Variants in WWOX observed in about 807,000 individuals in gnomAD.
WWOX encodes the protein WW domain containing oxidoreductase.
Under a neutral mutation model 46.2 loss-of-function variants are expected in WWOX, and 69 were observed. That is an observed-to-expected ratio of 1.49 (90% CI 1.23 to 1.82). The LOEUF is 1.82. Ranked by LOEUF, WWOX falls within the 40% of genes most tolerant of loss-of-function variation. The probability of loss-of-function intolerance (pLI) is 0.00; values close to 1 mark genes in which losing one functional copy is unlikely to be tolerated. For synonymous variants in WWOX, 359 were observed against 202.6 expected (o/e 1.77, Z -6.56); for missense variants, 919 against 542.6 (o/e 1.69, Z -6.89).
chr16:78,996,017 A>C (rs191082768), intron 8 of WWOX, among the ~76,000 whole-genome samples: 6 of 152,302 alleles, frequency 3.9e-5, no homozygotes, highest in African/African-American at 1.4e-4. Flanking sequence ...AATGAAATAC[A>C]TTTTCATTTC....
intron 8 of WWOX, among the ~76,000 whole-genome samples, chr16:78,713,273 CAAAAAAAAAAAAAAAAAA>C (rs5818165): frequency 5.9e-5 from 1 of 17,050 alleles, no homozygotes; most frequent in Admixed American, 1.0e-3. Flanking sequence ...GACTCTGTCT[CAAAAAAAAAAAAAAAAAA>C]AAAAAAAAAA....
chr16:79,038,638 C>T (rs541710184), intron 8 of WWOX, among the ~76,000 whole-genome samples: 24 of 152,262 alleles, frequency 1.6e-4, no homozygotes, highest in African/African-American at 5.5e-4. Context: ...CAATGTCTGC[C>T]TCCCAGATTC....
intron 4 of WWOX, among the ~76,000 whole-genome samples, chr16:78,160,097 T>C (rs769813528): frequency 6.6e-6 from 1 of 152,200 alleles, no homozygotes; most frequent in Non-Finnish European, 1.5e-5. Context: ...TCCATCGTTC[T>C]GCTTTCTTTA....
At chr16:78,454,564 G>A (rs531643242) in intron 8 of WWOX, among the ~76,000 whole-genome samples, 35 of 152,112 alleles carry the variant, frequency 2.3e-4, no homozygotes, top group Non-Finnish European at 4.7e-4. Context: ...GCAGTGCAAT[G>A]GCACGATCTC....
chr16:78,736,868 C>T (rs184837387), intron 8 of WWOX, among the ~76,000 whole-genome samples: 1 of 152,110 alleles, frequency 6.6e-6, no homozygotes, highest in Non-Finnish European at 1.5e-5. Context: ...CTCAGAATCC[C>T]AAAGTGCTGG....
At chr16:78,733,006 A>G (rs1289367258) in intron 8 of WWOX, among the ~76,000 whole-genome samples, 3 of 152,112 alleles carry the variant, frequency 2.0e-5, no homozygotes, top group East Asian at 1.9e-4. Context: ...AGTCTTTGTC[A>G]GGACCCATTC....
intron 7 of WWOX, among the ~76,000 whole-genome samples, chr16:78,428,167 A>C (rs913309918): frequency 6.6e-6 from 1 of 152,266 alleles, no homozygotes; most frequent in Non-Finnish European, 1.5e-5. Flanking sequence ...GTTACTGTCC[A>C]CAGAGCAAAT....
At chr16:78,746,833 G>A (rs1158744061) in intron 8 of WWOX, among the ~76,000 whole-genome samples, 2 of 152,088 alleles carry the variant, frequency 1.3e-5, no homozygotes, top group Non-Finnish European at 2.9e-5. Flanking sequence ...AGTGAGTGAG[G>A]AAAATAAATA....
chr16:78,315,912 A>T (rs77890687), intron 5 of WWOX, among the ~76,000 whole-genome samples: 1 of 151,988 alleles, frequency 6.6e-6, no homozygotes, highest in Non-Finnish European at 1.5e-5. Context: ...CTCGTGTTGA[A>T]TATTTATCAG....
chr16:78,483,955 T>C lies in WWOX; in HGVS notation c.1056+51203T>C, dbSNP rs1312986213. ...CAGAACACGTGGCCCCTAGTGTGTC[T>C]GTTGAAAGATGGGCCCCTTTCAGGA... On this transcript the variant is annotated intron_variant, in intron 8 of 8. Transcript: ENST00000566780. Among the ~76,000 whole-genome samples the C allele has an allele frequency of 2.6e-5, 4 of 152,330 alleles. No homozygotes were observed. In the East Asian group the frequency reaches 7.7e-4, roughly 29 times the overall value.
chr16:78,136,624 T>C (rs911177353), intron 4 of WWOX, among the ~76,000 whole-genome samples: 1 of 152,248 alleles, frequency 6.6e-6, no homozygotes, highest in African/African-American at 2.4e-5. Flanking sequence ...TAGAGCTTTT[T>C]ACTCTCACTA....
chr16:78,312,542 C>T (rs2080268504), intron 5 of WWOX, among the ~76,000 whole-genome samples: 1 of 151,832 alleles, frequency 6.6e-6, no homozygotes, highest in Non-Finnish European at 1.5e-5. Flanking sequence ...GCCCAGCTAA[C>T]TTTTGAATTT....
chr16:78,429,160 T>C (rs2083157708), intron 7 of WWOX, among the ~76,000 whole-genome samples: 1 of 152,144 alleles, frequency 6.6e-6, no homozygotes. Context: ...GAATTCACAG[T>C]CTAGTTTTGG....
intron 8 of WWOX, among the ~76,000 whole-genome samples, chr16:79,071,928 G>C (rs917378397): frequency 6.6e-6 from 1 of 152,180 alleles, no homozygotes; most frequent in Non-Finnish European, 1.5e-5. Flanking sequence ...CAAACCTTGT[G>C]TGAGCTGGCT....
At chr16:78,799,215 C>T (rs554026226) in intron 8 of WWOX, among the ~76,000 whole-genome samples, 1 of 152,240 alleles carries the variant, frequency 6.6e-6, no homozygotes, top group African/African-American at 2.4e-5. Flanking sequence ...GGACACGGTG[C>T]AGAAAAGTTC....
chr16:78,801,146 G>T (rs1465963983), intron 8 of WWOX, among the ~76,000 whole-genome samples: 3 of 151,448 alleles, frequency 2.0e-5, no homozygotes, highest in Non-Finnish European at 4.4e-5. Context: ...CTCCACCTCT[G>T]CCTCCCAGGT....
At chr16:78,723,768 A>G (rs2048757201) in intron 8 of WWOX, among the ~76,000 whole-genome samples, 1 of 151,870 alleles carries the variant, frequency 6.6e-6, no homozygotes, top group African/African-American at 2.4e-5. Flanking sequence ...ACCTCTGCCA[A>G]GGTCAAAAAT....
chr16:78,617,701 T>C (rs541619933), intron 8 of WWOX, among the ~76,000 whole-genome samples: 1 of 152,286 alleles, frequency 6.6e-6, no homozygotes, highest in East Asian at 1.9e-4. Context: ...CGCTGCATTC[T>C]TCCCAGTCCC....
chr16:78,920,096 C>G (rs1357157085), intron 8 of WWOX, among the ~76,000 whole-genome samples: 2 of 152,134 alleles, frequency 1.3e-5, no homozygotes, highest in African/African-American at 4.8e-5. Context: ...AAAACAAAGA[C>G]TGAGTTCTTG....
Sources: allele counts gnomAD v4.1 joint callset (sites outside exome capture counted in the v4.1 genomes callset), GRCh38; gene constraint gnomAD v4.1.1; transcripts MANE v1.5; gene names NCBI Gene and HGNC (gene_info 2026-07-23, HGNC 2026-07-21).